HYAL1: variants seen among roughly 807,000 people sequenced by gnomAD.
HYAL1 encodes the protein hyaluronidase 1.
A neutral mutation model predicts 28.8 loss-of-function variants in HYAL1; 21 were observed. The observed-to-expected ratio is 0.73, with a 90% confidence interval of 0.52 to 1.05. HYAL1 has a LOEUF of 1.05. HYAL1 is among the 50% of genes least tolerant of loss of function. The pLI, the probability that HYAL1 is intolerant of heterozygous loss-of-function variation, is 0.00. For missense variants in HYAL1, 491 were observed against 579.2 expected, an observed-to-expected ratio of 0.85 and a Z score of 1.56; for synonymous variants, 200 against 230.1, an observed-to-expected ratio of 0.87 and a Z score of 1.18.
In HYAL1 at chr3:50,302,499, G is replaced by C. The variant is rs782720836; in HGVS notation, c.458C>G (p.Ala153Gly). ...TKDIYRQRSR[A>G]LVQAQHPDWP... is the part of the protein sequence containing the mutation. The stretch of plus-strand genomic sequence containing the variant: ...ATCAGGGTGCTGTGCCTGTACCAGT[G>C]CCCGTGAGCGCTGCCGGTAAATGTC... The change falls in exon 2 of 4, where the codon GCA becomes GGA. Residue 153 changes from alanine to glycine, a missense_variant. By Grantham distance (60) the Ala-to-Gly change is moderately conservative. Transcript: ENST00000395144. This position sits in a 1 kb window ranked among gnomAD's most constrained non-coding sequence, Gnocchi z 5.0. The C allele has an allele frequency of 6.2e-7, 1 of 1,614,200 alleles. No homozygotes were observed. Among genetic ancestry groups the C allele is most frequent in the Non-Finnish European group, 8.5e-7 (1 of 1,180,030 alleles).
intron 2 of HYAL1, among the ~76,000 whole-genome samples, chr3:50,309,457 C>A (rs1702403205): frequency 1.5e-5 from 2 of 134,850 alleles, no homozygotes; most frequent in East Asian, 3.4e-4. Flanking sequence ...GAGCCAGACT[C>A]CACCAAAAAA....
In HYAL1 at chr3:50,302,390, C is replaced by G; in HGVS notation, c.567G>C (p.Leu189=). The G allele has an allele frequency of 6.2e-7, 1 of 1,613,844 alleles. No individual in the cohort carries two copies. The highest frequency in any genetic ancestry group is 8.5e-7 in the Non-Finnish European group (1 of 1,179,966). ...GGCCGCGAGGACGCAGTGCCCGCCC[C>G]AGCTGGAGGGTGCCTGCCATCCAGG... ...ARAWMAGTLQ[L]GRALRPRGLW... is the part of the protein sequence containing the mutation. The change falls in exon 2 of 4, where the codon CTG becomes CTC. Residue 189 remains leucine (L), a synonymous_variant. Transcript: ENST00000395144. The surrounding 1 kb of genome is among the most constrained non-coding windows in gnomAD (Gnocchi z 5.0).
chr3:50,305,850 A>G (rs1702326508), upstream of HYAL1, among the ~76,000 whole-genome samples: 1 of 151,396 alleles, frequency 6.6e-6, no homozygotes, highest in African/African-American at 2.5e-5. Flanking sequence ...CTTCTTACGT[A>G]TTGATAGATG....
Position 50,300,581 on chromosome 3 carries a change from G to C in HYAL1, c.1210C>G (p.Leu404Val). 1 of 1,614,232 alleles carries C rather than the reference G, an allele frequency of 6.2e-7. No homozygotes were observed. Among genetic ancestry groups the C allele is most frequent in the Non-Finnish European group, 8.5e-7 (1 of 1,180,040 alleles). Residue 404 changes from leucine to valine, a missense_variant, in exon 4 of 4, where the codon CTC becomes GTC. Transcript: ENST00000395144. ...GGGPLSLRGALSLEDQAQMAV... is the reference protein window; with the variant it reads ...GGGPLSLRGAVSLEDQAQMAV... ...ATCTGTGCCTGATCTTCAAGTGAGAGGGCACCCCGCAGGCTCAGGGGCCCA... is the reference window on the plus strand; with the variant it reads ...ATCTGTGCCTGATCTTCAAGTGAGACGGCACCCCGCAGGCTCAGGGGCCCA...
chr3:50,303,781 G>A (rs1444997166), upstream of HYAL1: 1 of 152,284 alleles, frequency 6.6e-6, no homozygotes, highest in Non-Finnish European at 1.5e-5. Context: ...GGGCTTTGTG[G>A]CCTTACCTAG....
intron 1 of HYAL1, among the ~76,000 whole-genome samples, chr3:50,310,265 G>GT (rs1284186892): frequency 0.026 from 3,185 of 124,670 alleles, 155 homozygotes; most frequent in African/African-American, 0.066. Context: ...TAAGCTGTGT[G>GT]TTTTTTTTTT....
At chr3:50,306,351 G>A (rs372324392), upstream of HYAL1, among the ~76,000 whole-genome samples, 1 of 146,890 alleles carries the variant, frequency 6.8e-6, no homozygotes, top group Admixed American at 7.0e-5. Context: ...GGGAAAATTA[G>A]TTTTTTTTTC....
At chr3:50,310,598 T>A (rs1352717925) in intron 1 of HYAL1, among the ~76,000 whole-genome samples, 1 of 149,092 alleles carries the variant, frequency 6.7e-6, no homozygotes, top group Non-Finnish European at 1.5e-5. Context: ...TTTTCTTTTT[T>A]TTTTTTAATT....
chr3:50,307,080 A>T (rs587684315), upstream of HYAL1, among the ~76,000 whole-genome samples: 69 of 150,278 alleles, frequency 4.6e-4, 1 homozygote, highest in East Asian at 9.8e-4. Flanking sequence ...AAAAAAAAAA[A>T]AATAAGCCGG....
chr3:50,305,248 T>C (rs1313427941), upstream of HYAL1, among the ~76,000 whole-genome samples: 1 of 152,198 alleles, frequency 6.6e-6, no homozygotes, highest in Non-Finnish European at 1.5e-5. Context: ...GTTTTTTTTT[T>C]ATTTTTATTT....
At chr3:50,311,626 C>A (rs1340476861) in intron 1 of HYAL1, among the ~76,000 whole-genome samples, 2 of 135,988 alleles carry the variant, frequency 1.5e-5, no homozygotes, top group African/African-American at 5.7e-5. Flanking sequence ...GGGGGCTGAC[C>A]CCCCCACCTC....
At chr3:50,305,680 C>A (rs189878900), upstream of HYAL1, among the ~76,000 whole-genome samples, 1 of 151,032 alleles carries the variant, frequency 6.6e-6, no homozygotes, top group Non-Finnish European at 1.5e-5. Flanking sequence ...GGACTACAGG[C>A]GCGTGCCACC....
intron 1 of HYAL1, among the ~76,000 whole-genome samples, chr3:50,311,466 C>T (rs1444704697): frequency 5.4e-5 from 7 of 129,644 alleles, no homozygotes; most frequent in East Asian, 2.8e-4. Flanking sequence ...ACCTCCCTCC[C>T]GGACGGGGCG....
At chr3:50,311,526 G>A (rs1159250602) in intron 1 of HYAL1, among the ~76,000 whole-genome samples, 6 of 134,638 alleles carry the variant, frequency 4.5e-5, no homozygotes, top group African/African-American at 5.6e-5. Context: ...CGGCCGGGCA[G>A]AGGCGCCCCT....
intron 1 of HYAL1, 57 bp from the exon 2 acceptor site, chr3:50,303,037 C>T: frequency 7.3e-7 from 1 of 1,362,128 alleles, no homozygotes; most frequent in Non-Finnish European, 1.0e-6. Context: ...TCCCCCACTG[C>T]TCAGGGCTGG....
intron 1 of HYAL1, among the ~76,000 whole-genome samples, chr3:50,311,606 T>A (rs1165882361): frequency 2.2e-4 from 28 of 128,128 alleles, no homozygotes; most frequent in African/African-American, 8.3e-4. Context: ...ACGGGGCGGC[T>A]GGCCGGGCGG....
Position 50,300,644 on chromosome 3 carries a change from T to C in HYAL1, c.1147A>G (p.Asn383Asp), listed in dbSNP as rs1484534100. Reference protein sequence around the residue: ...TSHPKALLLLNPASFSIQLTP... With the variant: ...TSHPKALLLLDPASFSIQLTP... ...AGCTGGATGGAGAAACTGGCAGGGTTAAGGAGGAGGAGGGCTTTGGGGTGG... is the reference window on the plus strand; with the variant it reads ...AGCTGGATGGAGAAACTGGCAGGGTCAAGGAGGAGGAGGGCTTTGGGGTGG... The change falls in exon 4 of 4, where the codon AAC becomes GAC. Residue 383 changes from asparagine to aspartate, a missense_variant. Coordinates refer to ENST00000395144, the MANE Select transcript of HYAL1 (RefSeq NM_033159.4). The C allele has an allele frequency of 6.2e-7, 1 of 1,614,002 alleles. No homozygotes were observed. The highest frequency in any genetic ancestry group is 8.5e-7 in the Non-Finnish European group (1 of 1,179,950).
upstream of HYAL1, among the ~76,000 whole-genome samples, chr3:50,304,871 A>T: frequency 6.6e-6 from 1 of 152,104 alleles, no homozygotes; most frequent in East Asian, 1.9e-4. Flanking sequence ...GGTGTGTGTG[A>T]GCCCTGCTGT....
chr3:50,307,798 C>CTT (rs782024439), upstream of HYAL1, among the ~76,000 whole-genome samples: 13 of 135,134 alleles, frequency 9.6e-5, no homozygotes, highest in African/African-American at 2.2e-4. Context: ...AACCCAAAAA[C>CTT]TTTTTTTTTT....
Sources: allele counts gnomAD v4.1 joint callset (sites outside exome capture counted in the v4.1 genomes callset), GRCh38; gene constraint gnomAD v4.1.1; non-coding constraint Gnocchi (gnomAD v3.1); transcripts MANE v1.5; gene names NCBI Gene and HGNC (gene_info 2026-07-23, HGNC 2026-07-21).